Variants in IL1RAPL1 observed in about 807,000 individuals in gnomAD.
The protein encoded by IL1RAPL1 is interleukin-1 receptor accessory protein-like 1.
A neutral mutation model predicts 48.4 loss-of-function variants in IL1RAPL1; 3 were observed. The observed-to-expected ratio is 0.06, with a 90% CI of 0.03 to 0.16. The LOEUF is 0.16. Ranked by LOEUF, IL1RAPL1 falls within the 10% of genes least tolerant of loss-of-function variation. IL1RAPL1 has a pLI of 1.00. For missense variants in IL1RAPL1, 349 were observed against 530.6 expected (o/e 0.66, Z 3.36); for synonymous variants, 185 against 187.7 (o/e 0.99, Z 0.12).
In IL1RAPL1 at chrX:29,668,523, C is replaced by G; in HGVS notation, c.778+19C>G. 9.3e-7 allele frequency: 1 copy of G among 1,070,930 alleles called. No homozygotes were observed. The highest frequency in any genetic ancestry group is 1.3e-6 in the Non-Finnish European group (1 of 768,658). 88.3% of individuals were successfully genotyped at this position (1,070,930 alleles called of 1,213,427 possible). On this transcript the variant is annotated intron_variant, in intron 6 of 10. Transcript: ENST00000378993. ...CAGCTGGGTGAGTAATTCCTTAATT[C>G]TAGTTAATATGCTGCTCTCGTTACA...
chrX:29,413,902 A>C (rs2340373), intron 5 of IL1RAPL1, among the ~76,000 whole-genome samples: 39,377 of 109,064 alleles, frequency 0.36, 6,297 homozygotes, highest in Middle Eastern at 0.54. Flanking sequence ...TATGTATACA[A>C]ATGCATACAT....
chrX:28,850,740 T>A (rs1399551234), intron 2 of IL1RAPL1, among the ~76,000 whole-genome samples: 1 of 110,572 alleles, frequency 9.0e-6, no homozygotes, highest in East Asian at 2.9e-4. Context: ...AAGATGCTTT[T>A]GTCCAAATAA....
intron 1 of IL1RAPL1, among the ~76,000 whole-genome samples, chrX:28,629,086 G>A: frequency 9.0e-6 from 1 of 111,270 alleles, no homozygotes; most frequent in Admixed American, 9.6e-5. Context: ...CTACTAAATA[G>A]CAAGTTCATA....
At chrX:29,893,298 G>T (rs973063958) in intron 6 of IL1RAPL1, among the ~76,000 whole-genome samples, 75 of 111,256 alleles carry the variant, frequency 6.7e-4, no homozygotes, top group African/African-American at 2.4e-3. Context: ...TAAAAGATAG[G>T]CTTCTATTTT....
At chrX:28,588,242 G>GTA (rs747854128) in intron 1 of IL1RAPL1, among the ~76,000 whole-genome samples, 195 bp downstream of exon 1, 1 of 100,066 alleles carries the variant, frequency 1.0e-5, no homozygotes, top group East Asian at 3.3e-4. Context: ...GTGTGTGTGT[G>GTA]TGTGTATGTG....
chrX:28,721,189 A>G (rs1161900097), intron 1 of IL1RAPL1, among the ~76,000 whole-genome samples: 1 of 111,994 alleles, frequency 8.9e-6, no homozygotes, highest in Non-Finnish European at 1.9e-5. Context: ...ACAATGGTTG[A>G]ACTAGTTTAC....
intron 5 of IL1RAPL1, among the ~76,000 whole-genome samples, chrX:29,425,618 C>T (rs1212492277): frequency 9.0e-6 from 1 of 111,120 alleles, no homozygotes; most frequent in Non-Finnish European, 1.9e-5. Flanking sequence ...CTGGTTCTGT[C>T]GCCCAGGCTG....
intron 5 of IL1RAPL1, among the ~76,000 whole-genome samples, chrX:29,662,117 C>CGA (rs1425885888): frequency 4.5e-5 from 5 of 111,900 alleles, no homozygotes; most frequent in Non-Finnish European, 7.5e-5. Context: ...TTCTACAAGG[C>CGA]CCTTCCTGCA....
intron 5 of IL1RAPL1, among the ~76,000 whole-genome samples, chrX:29,529,021 C>G (rs1935584265): frequency 9.1e-6 from 1 of 110,463 alleles, no homozygotes; most frequent in South Asian, 3.9e-4. Flanking sequence ...ATACAGTATT[C>G]CCACCCAAAC....
chrX:28,742,870 G>A (rs1429327442), intron 1 of IL1RAPL1, among the ~76,000 whole-genome samples: 1 of 111,465 alleles, frequency 9.0e-6, no homozygotes, highest in Non-Finnish European at 1.9e-5. Context: ...TTGAGGTTTA[G>A]TATTTCTTCA....
intron 1 of IL1RAPL1, among the ~76,000 whole-genome samples, chrX:28,626,642 G>A (rs1485398035): frequency 2.7e-5 from 3 of 112,375 alleles, no homozygotes; most frequent in African/African-American, 9.7e-5. Flanking sequence ...TGTCACTGGT[G>A]TGCAAATACT....
In IL1RAPL1 at chrX:28,902,979, C is replaced by T. The variant is rs113337980; in HGVS notation, c.82+113554C>T. 5.4e-3 allele frequency among the ~76,000 whole-genome samples: 603 copies of T among 111,868 alleles called. 4 individuals are homozygous for T. The highest frequency in any genetic ancestry group is 0.018 in the African/African-American group (550 of 30,781). On this transcript the variant is annotated intron_variant, in intron 2 of 10. Coordinates refer to ENST00000378993, the MANE Select transcript of IL1RAPL1 (RefSeq NM_014271.4). Reference sequence around the variant, plus strand: ...ATCCTGAAACCCTCCCCACCGTCTGCGGGAAAATTGGCTTCCATGAAACTG... The same window carrying T: ...ATCCTGAAACCCTCCCCACCGTCTGTGGGAAAATTGGCTTCCATGAAACTG...
At chrX:29,381,863 T>TATAC (rs1370611236) in intron 3 of IL1RAPL1, among the ~76,000 whole-genome samples, 1 of 97,168 alleles carries the variant, frequency 1.0e-5, no homozygotes, top group African/African-American at 3.9e-5. Context: ...TATATATATA[T>TATAC]ACATATACTT....
chrX:29,051,918 G>A (rs1204776248), intron 2 of IL1RAPL1, among the ~76,000 whole-genome samples: 1 of 111,718 alleles, frequency 9.0e-6, no homozygotes, highest in Non-Finnish European at 1.9e-5. Context: ...TTTAGCGGTG[G>A]CAAGCAATGG....
At chrX:29,186,255 G>A (rs992407258) in intron 2 of IL1RAPL1, among the ~76,000 whole-genome samples, 7 of 111,805 alleles carry the variant, frequency 6.3e-5, no homozygotes, top group East Asian at 2.8e-4. Flanking sequence ...AAAAATTCTG[G>A]TATGAAAAAT....
intron 2 of IL1RAPL1, among the ~76,000 whole-genome samples, chrX:29,150,191 C>A (rs1027931839): frequency 8.9e-6 from 1 of 111,959 alleles, no homozygotes; most frequent in Non-Finnish European, 1.9e-5. Flanking sequence ...TCGTGCAAGG[C>A]ACTGGGAATA....
At chrX:28,899,559 T>A (rs1319362836) in intron 2 of IL1RAPL1, among the ~76,000 whole-genome samples, 1 of 112,444 alleles carries the variant, frequency 8.9e-6, no homozygotes, top group Non-Finnish European at 1.9e-5. Context: ...GTCTGACAAC[T>A]GGCTTTCTTT....
intron 6 of IL1RAPL1, among the ~76,000 whole-genome samples, chrX:29,807,918 G>A (rs1418354695): frequency 1.8e-5 from 2 of 111,430 alleles, no homozygotes; most frequent in African/African-American, 3.3e-5. Context: ...AACATCATGA[G>A]TAATTGGTAA....
chrX:29,815,177 A>G (rs1161938370), intron 6 of IL1RAPL1, among the ~76,000 whole-genome samples: 2 of 111,646 alleles, frequency 1.8e-5, no homozygotes, highest in Non-Finnish European at 3.8e-5. Context: ...GGGCAGTACA[A>G]CCATTTTAAC....
Sources: gnomAD v4.1 joint callset for allele counts (sites outside exome capture counted in the v4.1 genomes callset) on GRCh38, gnomAD v4.1.1 for gene constraint, MANE v1.5 for transcripts, NCBI Gene and HGNC (gene_info 2026-07-23, HGNC 2026-07-21) for gene names.